Variants in NEURL1B observed in about 807,000 individuals in gnomAD.
NEURL1B encodes the protein neuralized E3 ubiquitin protein ligase 1B.
A neutral mutation model predicts 37.4 loss-of-function variants in NEURL1B; 13 were observed. The ratio of observed to expected loss-of-function variants is 0.35; its 90% confidence interval spans 0.23 to 0.55. The LOEUF (loss-of-function observed/expected upper bound fraction) is 0.55, where lower values mean the gene tolerates loss of function less well. Ranked by LOEUF, NEURL1B falls within the 20% of genes least tolerant of loss-of-function variation. The pLI is 0.89. For synonymous variants in NEURL1B, 432 were observed against 426.6 expected, an observed-to-expected ratio of 1.01 and a Z score of -0.16; for missense variants, 790 against 879.2, an observed-to-expected ratio of 0.90 and a Z score of 1.28.
At chr5:172,662,564 CAG>C (rs1283524622) in intron 1 of NEURL1B, among the ~76,000 whole-genome samples, 4 of 152,182 alleles carry the variant, frequency 2.6e-5, no homozygotes, top group African/African-American at 9.7e-5. Context: ...CAGCCTGAGA[CAG>C]GGGTCTAAGG....
chr5:172,674,612 G>C (rs376664159), intron 2 of NEURL1B, among the ~76,000 whole-genome samples: 108 of 152,316 alleles, frequency 7.1e-4, no homozygotes, highest in Middle Eastern at 3.4e-3. Flanking sequence ...GTGGCACCCA[G>C]GTGTTAGGAT....
Position 172,678,442 on chromosome 5 carries a change from A to G in NEURL1B, c.578-4977A>G, listed in dbSNP as rs1232041211. Among the ~76,000 whole-genome samples the G allele has an allele frequency of 1.3e-5, 2 of 152,202 alleles. 1 individual carries two copies. The highest frequency in any genetic ancestry group is 2.9e-5 in the Non-Finnish European group (2 of 68,022). Reference sequence around the variant, plus strand: ...GCCTCTCCTCCTACATCTGAGGGGCATCCCACACTGAACATGCTCGGACAC... The same window carrying G: ...GCCTCTCCTCCTACATCTGAGGGGCGTCCCACACTGAACATGCTCGGACAC... On this transcript the variant is annotated intron_variant, in intron 2 of 4. Transcript: ENST00000369800.
At position 172,661,379 on chromosome 5, in the gene NEURL1B, A is replaced by G. The variant is rs1757899174; in HGVS notation, c.32-8406A>G. ...GCCTCTATAGATTTTATTGCTTCTA[A>G]CAAGGTCCATGAACCATTCCCCACG... On this transcript the variant is annotated intron_variant, in intron 1 of 4. Transcript: ENST00000369800. The surrounding 1 kb of genome is among the most constrained non-coding windows in gnomAD (Gnocchi z 4.0). Among the ~76,000 whole-genome samples, 1 of 152,158 alleles carries G rather than the reference A, an allele frequency of 6.6e-6. No homozygotes were observed. The highest frequency in any genetic ancestry group is 1.5e-5 in the Non-Finnish European group (1 of 68,034).
Position 172,684,024 on chromosome 5 carries a change from C to T in NEURL1B, c.1183C>T (p.Leu395Phe). Residue 395 changes from leucine to phenylalanine, a missense_variant, in exon 3 of 5, where the codon CTC becomes TTC. Physicochemically the swap from Leu to Phe is conservative, Grantham distance 22 (BLOSUM62 0). Transcript: ENST00000369800. ...SFTLRPGGDV[L>F]LGINGRPRGR... ...CACGCTGCGGCCCGGCGGCGACGTG[C>T]TCCTGGGCATCAACGGGCGTCCGCG... 2 of 1,340,476 alleles carry T rather than the reference C, an allele frequency of 1.5e-6. No homozygotes were observed. The highest frequency in any genetic ancestry group is 1.7e-5 in the South Asian group (1 of 58,916). 83.0% of individuals were successfully genotyped at this position (1,340,476 alleles called of 1,614,324 possible). A position where few individuals can be genotyped will look rare whatever the true frequency, so the allele number is the denominator to read the frequency against.
At chr5:172,673,731 C>T (rs973543788) in intron 2 of NEURL1B, among the ~76,000 whole-genome samples, 2 of 148,880 alleles carry the variant, frequency 1.3e-5, no homozygotes, top group African/African-American at 2.5e-5. Context: ...CCCGAGTAGC[C>T]AGGACCACAG....
intron 1 of NEURL1B, among the ~76,000 whole-genome samples, chr5:172,651,665 T>G (rs1255247512): frequency 6.6e-6 from 1 of 152,260 alleles, no homozygotes; most frequent in East Asian, 1.9e-4. Flanking sequence ...CAGCTATTTC[T>G]TTAACAGCAT....
At chr5:172,682,240 A>C (rs1018793021) in intron 2 of NEURL1B, among the ~76,000 whole-genome samples, 15 of 152,264 alleles carry the variant, frequency 9.9e-5, no homozygotes, top group Non-Finnish European at 2.1e-4. Flanking sequence ...CAAATCACTA[A>C]AAAGTACTTT....
intron 1 of NEURL1B, among the ~76,000 whole-genome samples, chr5:172,645,236 T>C (rs1757538693): frequency 6.6e-6 from 1 of 151,952 alleles, no homozygotes; most frequent in Non-Finnish European, 1.5e-5. Context: ...CTCAGAGAGG[T>C]CAAGGACACA....
chr5:172,683,449 C>A lies in NEURL1B; in HGVS notation c.608C>A (p.Ala203Glu). 1 of 1,458,236 alleles carries A rather than the reference C, an allele frequency of 6.9e-7. No homozygotes were observed. The highest frequency in any genetic ancestry group is 1.3e-5 in the South Asian group (1 of 75,540). The allele number at this position is 1,458,236 out of a possible 1,614,324, so 90.3% of individuals were successfully genotyped here. The change falls in exon 3 of 5, where the codon GCG (alanine) becomes GAG (glutamate). Residue 203 changes from alanine to glutamate, a missense_variant. Transcript: ENST00000369800. The surrounding 1 kb of genome is among the most constrained non-coding windows in gnomAD (Gnocchi z 5.6). Reference sequence around the variant, plus strand: ...GCCTTCGCTGACACGCTGACGCCCGCGCGCCTCAGCCAGGCCCGCTTCAGC... The same window carrying A: ...GCCTTCGCTGACACGCTGACGCCCGAGCGCCTCAGCCAGGCCCGCTTCAGC... The part of the protein sequence containing the change: ...ESAFADTLTP[A>E]RLSQARFSAC...
chr5:172,669,821 C>T lies in NEURL1B; in HGVS notation c.68C>T (p.Pro23Leu). ...SPPARLLATR[P>L]CCGPGPERRP... is the part of the protein sequence containing the mutation. ...CCGGCGCGCCTCCTGGCCACCCGGC[C>T]GTGCTGCGGCCCCGGCCCCGAGCGA... The change falls in exon 2 of 5, where the codon CCG becomes CTG. Residue 23 changes from proline to leucine, a missense_variant. By Grantham distance (98) the Pro-to-Leu change is moderately conservative. Around this residue, in one of 3 missense-constraint regions of NEURL1B, gnomAD observed 215 missense variants for 309.2 expected, o/e 0.70. Coordinates refer to ENST00000369800, the MANE Select transcript of NEURL1B (RefSeq NM_001142651.3). The T allele has an allele frequency of 7.6e-7, 1 of 1,307,474 alleles. No homozygotes were observed. Among genetic ancestry groups the T allele is most frequent in the Non-Finnish European group, 9.8e-7 (1 of 1,021,998 alleles). The allele number at this position is 1,307,474 out of a possible 1,614,324, so 81.0% of individuals were successfully genotyped here. A position where few individuals can be genotyped will look rare whatever the true frequency, so the allele number is the denominator to read the frequency against.
In NEURL1B at chr5:172,683,569, T is replaced by TGGGCC; in HGVS notation, c.730_734dup (p.Pro247AlafsTer46). 7.0e-7 allele frequency: 1 copy of TGGGCC among 1,432,780 alleles called. No individual in the cohort carries two copies. The highest frequency in any genetic ancestry group is 9.1e-7 in the Non-Finnish European group (1 of 1,093,710). The allele number at this position is 1,432,780 out of a possible 1,614,324, so 88.8% of individuals were successfully genotyped here. On this transcript the variant is annotated frameshift_variant, in exon 3 of 5. Coordinates refer to ENST00000369800, the MANE Select transcript of NEURL1B (RefSeq NM_001142651.3). LOFTEE classifies it high-confidence loss of function. The surrounding 1 kb of genome is among the most constrained non-coding windows in gnomAD (Gnocchi z 5.6). ...GTGGCCAAGCTGGGCCACCTGGCGC[T>TGGGCC]GGGCCGCGCCCCGGGCCCACCGCCA...
At position 172,686,025 on chromosome 5, in the gene NEURL1B, C is replaced by G; in HGVS notation, c.1298-146C>G. 2.2e-6 allele frequency: 2 copies of G among 900,772 alleles called. No homozygotes were observed. The highest frequency in any genetic ancestry group is 1.6e-6 in the Non-Finnish European group (1 of 609,976). The allele number at this position is 900,772 out of a possible 1,614,324, so 55.8% of individuals were successfully genotyped here. A position where few individuals can be genotyped will look rare whatever the true frequency, so the allele number is the denominator to read the frequency against. On this transcript the variant is annotated intron_variant, in intron 3 of 4. Coordinates refer to ENST00000369800, the MANE Select transcript of NEURL1B (RefSeq NM_001142651.3). This position sits in a 1 kb window ranked among gnomAD's most constrained non-coding sequence, Gnocchi z 7.9. ...AACAGAGGCACCACACTGGGATGCA[C>G]TCTTCACTCCTCAGCAGAACCCTGG... is the stretch of plus-strand genomic sequence containing the variant.
intron 1 of NEURL1B, among the ~76,000 whole-genome samples, chr5:172,660,498 G>A (rs528824946): frequency 2.8e-4 from 42 of 152,346 alleles, no homozygotes; most frequent in Non-Finnish European, 1.8e-4. Flanking sequence ...TTACCAGCGC[G>A]GGCTGGCCCT....
At position 172,647,954 on chromosome 5, in the gene NEURL1B, G is replaced by A. The variant is rs542052658; in HGVS notation, c.31+6517G>A. ...TTCCCTGGGCCCAGGGTCCTCACAG[G>A]CCCTTCCCCCATCCCGGACTTCCAG... On this transcript the variant is annotated intron_variant, in intron 1 of 4. Transcript: ENST00000369800. The surrounding 1 kb of genome is among the most constrained non-coding windows in gnomAD (Gnocchi z 4.2). Among the ~76,000 whole-genome samples, 2 of 152,142 alleles carry A rather than the reference G, an allele frequency of 1.3e-5. No individual in the cohort carries two copies. Among genetic ancestry groups the A allele is most frequent in the East Asian group, 3.9e-4 (2 of 5,148 alleles).
chr5:172,679,885 C>G (rs184347527), intron 2 of NEURL1B, among the ~76,000 whole-genome samples: 1 of 152,280 alleles, frequency 6.6e-6, no homozygotes, highest in African/African-American at 2.4e-5. Context: ...AATCCCAGCT[C>G]TGTCACTCCC....
Position 172,676,378 on chromosome 5 carries a change from C to T in NEURL1B, c.577+6048C>T, listed in dbSNP as rs1254849140. On this transcript the variant is annotated intron_variant, in intron 2 of 4. Coordinates refer to ENST00000369800, the MANE Select transcript of NEURL1B (RefSeq NM_001142651.3). This position sits in a 1 kb window ranked among gnomAD's most constrained non-coding sequence, Gnocchi z 4.5. ...CCAGCATTTCCAGTCTTGCATCCCA[C>T]GAGCTTAACAAATCCAACAGAAGAG... 2.0e-5 allele frequency among the ~76,000 whole-genome samples: 3 copies of T among 152,200 alleles called. 1 individual carries two copies. Among genetic ancestry groups the T allele is most frequent in the East Asian group, 3.8e-4 (2 of 5,202 alleles).
At chr5:172,648,047 C>A (rs1245063518) in intron 1 of NEURL1B, among the ~76,000 whole-genome samples, 2 of 152,174 alleles carry the variant, frequency 1.3e-5, no homozygotes, top group Non-Finnish European at 2.9e-5. Flanking sequence ...CCAGGGCCCG[C>A]GTCTGTCCTG....
intron 2 of NEURL1B, among the ~76,000 whole-genome samples, chr5:172,672,610 A>G (rs1013797946): frequency 3.5e-5 from 5 of 143,774 alleles, no homozygotes; most frequent in Non-Finnish European, 7.6e-5. Flanking sequence ...AGGAAGGGAG[A>G]GGTAGAGTCT....
intron 1 of NEURL1B, among the ~76,000 whole-genome samples, chr5:172,659,043 C>G (rs35046178): frequency 5.8e-5 from 8 of 137,438 alleles, no homozygotes; most frequent in East Asian, 2.6e-4. Context: ...CGCCCCCCCC[C>G]CCCCAAAGCT....
Sources: allele counts gnomAD v4.1 joint callset (sites outside exome capture counted in the v4.1 genomes callset), GRCh38; gene constraint gnomAD v4.1.1; regional missense constraint gnomAD v4.1.1; non-coding constraint Gnocchi (gnomAD v3.1); transcripts MANE v1.5; gene names NCBI Gene and HGNC (gene_info 2026-07-23, HGNC 2026-07-21).